Variants in SRPK2 observed in about 807,000 individuals in gnomAD.
The protein encoded by SRPK2 is SFRS protein kinase 2.
SRPK2 carries 21 observed loss-of-function variants against 90.8 expected under a neutral mutation model. That is an observed-to-expected ratio of 0.23 (90% confidence interval 0.16 to 0.33). The LOEUF is 0.33. SRPK2 is among the 10% of genes least tolerant of loss of function. The pLI, the probability that SRPK2 is intolerant of heterozygous loss-of-function variation, is 1.00. For synonymous variants in SRPK2, 288 were observed against 311.1 expected (o/e 0.93, Z 0.78); for missense variants, 620 against 869.0 (o/e 0.71, Z 3.60).
chr7:105,223,908 A>T (rs1798401162), intron 2 of SRPK2, among the ~76,000 whole-genome samples: 1 of 152,224 alleles, frequency 6.6e-6, no homozygotes. Context: ...GAGTTACACA[A>T]AATAACATAT....
intron 3 of SRPK2, among the ~76,000 whole-genome samples, chr7:105,192,597 C>T (rs1457182594): frequency 6.6e-6 from 1 of 152,184 alleles, no homozygotes; most frequent in Non-Finnish European, 1.5e-5. Context: ...GGTAGTTCTA[C>T]TTTTAGTTCT....
chr7:105,318,906 A>G (rs1812599374), intron 2 of SRPK2, among the ~76,000 whole-genome samples: 1 of 152,226 alleles, frequency 6.6e-6, no homozygotes, highest in Admixed American at 6.5e-5. Flanking sequence ...ACTGTATTCC[A>G]AAGAATAGAG....
At chr7:105,313,732 C>T (rs752291225) in intron 2 of SRPK2, among the ~76,000 whole-genome samples, 3 of 152,058 alleles carry the variant, frequency 2.0e-5, no homozygotes, top group African/African-American at 7.2e-5. Flanking sequence ...GCCTGGACAA[C>T]AGAGCGAGAC....
intron 5 of SRPK2, 45 bp downstream of exon 5, chr7:105,167,963 A>G (rs770622971): frequency 1.5e-5 from 22 of 1,457,860 alleles, no homozygotes; most frequent in Non-Finnish European, 2.0e-5. Flanking sequence ...TAAAATTTTA[A>G]GTCATTAAGT....
chr7:105,321,722 G>A (rs1812963855), intron 2 of SRPK2, among the ~76,000 whole-genome samples: 1 of 152,126 alleles, frequency 6.6e-6, no homozygotes, highest in East Asian at 1.9e-4. Flanking sequence ...TAAGGAGAAT[G>A]CAAATAAAAA....
chr7:105,349,739 G>A (rs75844172), intron 2 of SRPK2, among the ~76,000 whole-genome samples: 104 of 152,060 alleles, frequency 6.8e-4, no homozygotes, highest in African/African-American at 2.3e-3. Context: ...TTTATTGAAC[G>A]GTGCCTGTCT....
At chr7:105,214,239 C>A (rs190382218) in intron 2 of SRPK2, among the ~76,000 whole-genome samples, 6 of 152,240 alleles carry the variant, frequency 3.9e-5, no homozygotes, top group Admixed American at 3.9e-4. Context: ...TTTTAAGGAG[C>A]ATGAGCCTCT....
chr7:105,291,563 T>C (rs1263257211), intron 2 of SRPK2, among the ~76,000 whole-genome samples: 1 of 152,094 alleles, frequency 6.6e-6, no homozygotes, highest in Non-Finnish European at 1.5e-5. Flanking sequence ...ACCCCATCTC[T>C]ACTAAAAACA....
chr7:105,372,727 T>C (rs1254377089), intron 2 of SRPK2, among the ~76,000 whole-genome samples: 1 of 152,222 alleles, frequency 6.6e-6, no homozygotes, highest in African/African-American at 2.4e-5. Flanking sequence ...TTTTTTTTAA[T>C]ATTGCCTTAT....
At chr7:105,241,369 C>T (rs1800796992) in intron 2 of SRPK2, among the ~76,000 whole-genome samples, 1 of 152,080 alleles carries the variant, frequency 6.6e-6, no homozygotes, top group Non-Finnish European at 1.5e-5. Context: ...ACCTATTTGC[C>T]CTAGGTAAAC....
intron 6 of SRPK2, among the ~76,000 whole-genome samples, chr7:105,164,116 A>G (rs904206655): frequency 6.6e-6 from 1 of 152,214 alleles, no homozygotes; most frequent in Non-Finnish European, 1.5e-5. Context: ...CAAAGCAATA[A>G]CTACCAAGAG....
chr7:105,306,689 A>C, intron 2 of SRPK2: 1 of 341,816 alleles, frequency 2.9e-6, no homozygotes, highest in South Asian at 2.3e-5. Flanking sequence ...ATTTACAAAT[A>C]TCTTTATCTG....
At chr7:105,296,338 A>T (rs1385322667) in intron 2 of SRPK2, among the ~76,000 whole-genome samples, 3 of 152,320 alleles carry the variant, frequency 2.0e-5, no homozygotes, top group Middle Eastern at 6.8e-3. Context: ...AACTTTTCTG[A>T]ATCTTGGCCT....
At chr7:105,254,893 T>C (rs1803033713) in intron 2 of SRPK2, among the ~76,000 whole-genome samples, 1 of 151,962 alleles carries the variant, frequency 6.6e-6, no homozygotes, top group Non-Finnish European at 1.5e-5. Context: ...TTTCACCATG[T>C]TGGCCAGGCT....
chr7:105,272,801 T>A (rs568954528), intron 2 of SRPK2, among the ~76,000 whole-genome samples: 1 of 152,136 alleles, frequency 6.6e-6, no homozygotes, highest in Non-Finnish European at 1.5e-5. Context: ...ATTGAACCCA[T>A]AAACTTATAA....
rs531591468 is a variant in SRPK2 at position 105,326,205 on chromosome 7, C to G, written c.71+62443G>C. 4.2e-4 allele frequency among the ~76,000 whole-genome samples: 64 copies of G among 152,322 alleles called. 1 individual carries two copies. In the South Asian group the frequency reaches 0.013, roughly 31 times the overall value. ...ACCTCATCTCCTCTACTAAGACCAC[C>G]TGGCCAAGCCACATTACAACCCACC... is the stretch of plus-strand genomic sequence containing the variant. On this transcript the variant is annotated intron_variant, in intron 2 of 15. Transcript: ENST00000393651.
chr7:105,391,130 A>G (rs1586037354), upstream of SRPK2, among the ~76,000 whole-genome samples: 1 of 152,216 alleles, frequency 6.6e-6, no homozygotes. Context: ...TTAGGAAAAT[A>G]CAAAGCAAAA....
chr7:105,313,772 T>C (rs762603521), intron 2 of SRPK2, among the ~76,000 whole-genome samples: 19 of 151,978 alleles, frequency 1.3e-4, no homozygotes, highest in Non-Finnish European at 2.2e-4. Flanking sequence ...AGAGACATCA[T>C]GAACTGTTGG....
chr7:105,376,942 AAAAC>A (rs1297575024), intron 2 of SRPK2, among the ~76,000 whole-genome samples: 14 of 151,530 alleles, frequency 9.2e-5, no homozygotes, highest in East Asian at 1.9e-4. Context: ...AATCTTAAGA[AAAAC>A]AAACAAAACA....
Sources: allele counts gnomAD v4.1 joint callset (sites outside exome capture counted in the v4.1 genomes callset), GRCh38; gene constraint gnomAD v4.1.1; transcripts MANE v1.5; gene names NCBI Gene and HGNC (gene_info 2026-07-23, HGNC 2026-07-21).